The following VPS41 variants were observed in gnomAD, a reference collection of about 807,000 sequenced individuals.
The protein encoded by VPS41 is VPS41 subunit of HOPS complex, also known as vacuolar protein sorting-associated protein 41 homolog.
In VPS41, 85 loss-of-function variants were observed where a neutral mutation model predicts 130.9. The ratio of observed to expected loss-of-function variants is 0.65; its 90% CI spans 0.55 to 0.78. The LOEUF is 0.78. Ranked by LOEUF, VPS41 falls within the 30% of genes least tolerant of loss-of-function variation. The pLI is 0.00. For synonymous variants in VPS41, 335 were observed against 332.9 expected (o/e 1.01, Z -0.07); for missense variants, 874 against 1,018.7 (o/e 0.86, Z 1.93).
intron 4 of VPS41, among the ~76,000 whole-genome samples, chr7:38,862,211 A>G (rs1327253341): frequency 6.6e-6 from 1 of 152,174 alleles, no homozygotes; most frequent in East Asian, 1.9e-4. Flanking sequence ...AGAATACAGG[A>G]GTATTCTAAA....
rs1289975754 is a variant in VPS41 at position 38,743,461 on chromosome 7, T to C, written c.2063A>G (p.Lys688Arg). 2 of 1,613,938 alleles carry C rather than the reference T, an allele frequency of 1.2e-6. No individual in the cohort carries two copies. The highest frequency in any genetic ancestry group is 8.5e-7 in the Non-Finnish European group (1 of 1,179,928). The change falls in exon 24 of 29, where the codon AAG (lysine) becomes AGG (arginine). Residue 688 changes from lysine to arginine, a missense_variant. Coordinates refer to ENST00000310301, the MANE Select transcript of VPS41 (RefSeq NM_014396.4). ...HDVDKAIEFA[K>R]EQDDGELWED... Reference sequence around the variant, plus strand: ...CCACAGCTCTCCATCATCTTGCTCCTTGGCAAATTCGATTGCTTTATCAAC... The same window carrying C: ...CCACAGCTCTCCATCATCTTGCTCCCTGGCAAATTCGATTGCTTTATCAAC...
intron 25 of VPS41, among the ~76,000 whole-genome samples, chr7:38,730,282 G>T (rs928637903): frequency 1.3e-5 from 2 of 152,200 alleles, no homozygotes; most frequent in African/African-American, 2.4e-5. Context: ...GGGAAGAAAA[G>T]TAAGGGAGCA....
intron 1 of VPS41, among the ~76,000 whole-genome samples, chr7:38,904,221 G>T (rs1562631209): frequency 6.6e-6 from 1 of 152,192 alleles, no homozygotes; most frequent in Non-Finnish European, 1.5e-5. Flanking sequence ...TCTGATGAGT[G>T]TCCTCTCTCC....
intron 17 of VPS41, among the ~76,000 whole-genome samples, chr7:38,760,122 C>T (rs2286088): frequency 0.23 from 35,516 of 152,064 alleles, 4,805 homozygotes; most frequent in East Asian, 0.43. Context: ...CAGTATCTTG[C>T]TCAGTCTCTA....
At chr7:38,837,979 C>T (rs1785531087) in intron 4 of VPS41, among the ~76,000 whole-genome samples, 1 of 151,964 alleles carries the variant, frequency 6.6e-6, no homozygotes, top group South Asian at 2.1e-4. Flanking sequence ...TATTTAAAAC[C>T]ATGATTGCAG....
chr7:38,815,924 C>CTATA (rs3056367), intron 7 of VPS41, among the ~76,000 whole-genome samples: 30,039 of 149,686 alleles, frequency 0.2, 3,811 homozygotes, highest in Non-Finnish European at 0.29. Context: ...CAATAAACTA[C>CTATA]TATATATATA....
At chr7:38,790,315 T>TTC (rs1236129682) in intron 9 of VPS41, among the ~76,000 whole-genome samples, 6 of 152,224 alleles carry the variant, frequency 3.9e-5, no homozygotes, top group Non-Finnish European at 8.8e-5. Context: ...TAATCTTTTT[T>TTC]ATGAAAGCTA....
chr7:38,867,924 A>G (rs543152562), intron 3 of VPS41, among the ~76,000 whole-genome samples: 2 of 152,344 alleles, frequency 1.3e-5, no homozygotes, highest in African/African-American at 4.8e-5. Context: ...AGGATAATCA[A>G]TCATTTCATA....
chr7:38,851,178 C>T (rs1000983692), intron 4 of VPS41, among the ~76,000 whole-genome samples: 2 of 152,198 alleles, frequency 1.3e-5, no homozygotes, highest in African/African-American at 4.8e-5. Context: ...CTGTAAGAAA[C>T]TCCTTCTATA....
chr7:38,870,738 T>TAAAAAAAAAAAAAAAAAAAAG (rs1786334268), intron 2 of VPS41, among the ~76,000 whole-genome samples: 1 of 68,488 alleles, frequency 1.5e-5, no homozygotes, highest in Non-Finnish European at 2.3e-5. Context: ...GACTATATGT[T>TAAAAAAAAAAAAAAAAAAAAG]CAAAAAAAAA....
intron 2 of VPS41, among the ~76,000 whole-genome samples, chr7:38,897,701 A>G (rs528511754): frequency 2.0e-5 from 3 of 152,232 alleles, no homozygotes; most frequent in African/African-American, 4.8e-5. Context: ...AAATTATACC[A>G]ACAAACATGT....
chr7:38,877,606 T>G (rs1037287162), intron 2 of VPS41, among the ~76,000 whole-genome samples: 13 of 152,146 alleles, frequency 8.5e-5, no homozygotes, highest in Non-Finnish European at 1.2e-4. Context: ...TCTCGAGCAT[T>G]TCCAATTGCA....
intron 4 of VPS41, among the ~76,000 whole-genome samples, chr7:38,842,339 ACCC>A (rs2116227359): frequency 6.6e-6 from 1 of 152,152 alleles, no homozygotes; most frequent in East Asian, 1.9e-4. Flanking sequence ...CTTCTCCAAC[ACCC>A]CATTTTCCAC....
At chr7:38,798,259 G>A (rs1476009229) in intron 7 of VPS41, among the ~76,000 whole-genome samples, 2 of 152,076 alleles carry the variant, frequency 1.3e-5, no homozygotes, top group African/African-American at 4.8e-5. Flanking sequence ...AGAAGATTAT[G>A]CCCCACTAAA....
chr7:38,813,295 AAAT>A (rs1784979568), intron 7 of VPS41, among the ~76,000 whole-genome samples: 2 of 152,176 alleles, frequency 1.3e-5, no homozygotes, highest in South Asian at 4.1e-4. Context: ...CATTTATATG[AAAT>A]ATCCAGAATA....
intron 3 of VPS41, among the ~76,000 whole-genome samples, chr7:38,865,759 C>T (rs1786215960): frequency 6.6e-6 from 1 of 152,094 alleles, no homozygotes; most frequent in Non-Finnish European, 1.5e-5. Flanking sequence ...ATGGATGACA[C>T]ATCTAATTCA....
intron 4 of VPS41, among the ~76,000 whole-genome samples, chr7:38,833,061 TA>T (rs1785423541): frequency 6.6e-6 from 1 of 152,164 alleles, no homozygotes; most frequent in African/African-American, 2.4e-5. Flanking sequence ...TTGATCTGGG[TA>T]AAAACTTTCA....
At position 38,758,369 on chromosome 7, in the gene VPS41, T is replaced by C. The variant is rs777444243; in HGVS notation, c.1535A>G (p.Lys512Arg). ...GTATACTCACAATTCTGCCAGGGTT[T>C]TAAGTAAAGTCTTGTTCTGACTATC... is the stretch of plus-strand genomic sequence containing the variant. Reference protein sequence around the residue: ...KKDSQNKTLLKTLAELYTYDK... With the variant: ...KKDSQNKTLLRTLAELYTYDK... The change falls in exon 18 of 29, where the codon AAA (lysine) becomes AGA (arginine). Residue 512 changes from lysine to arginine, a missense_variant. Coordinates refer to ENST00000310301, the MANE Select transcript of VPS41 (RefSeq NM_014396.4). The C allele has an allele frequency of 6.2e-7, 1 of 1,610,286 alleles. No individual in the cohort carries two copies. Among genetic ancestry groups the C allele is most frequent in the Non-Finnish European group, 8.5e-7 (1 of 1,178,964 alleles).
chr7:38,796,403 A>C, intron 8 of VPS41: 1 of 464,950 alleles, frequency 2.2e-6, no homozygotes, highest in Non-Finnish European at 4.3e-6. Flanking sequence ...TTTCATATCA[A>C]CTCTTACTTG....
Sources: allele counts gnomAD v4.1 joint callset (sites outside exome capture counted in the v4.1 genomes callset), GRCh38; gene constraint gnomAD v4.1.1; transcripts MANE v1.5; gene names NCBI Gene and HGNC (gene_info 2026-07-23, HGNC 2026-07-21).